Variants in GLRB observed in about 807,000 individuals in gnomAD.
GLRB encodes the protein glycine receptor subunit beta.
Under a neutral mutation model 54.2 loss-of-function variants are expected in GLRB, and 33 were observed. That is an observed-to-expected ratio of 0.61 (90% confidence interval 0.46 to 0.81). The LOEUF is 0.81. Ranked by LOEUF, GLRB falls within the 40% of genes least tolerant of loss-of-function variation. The pLI is 0.00. For missense variants in GLRB, 572 were observed against 584.6 expected (o/e 0.98, Z 0.22); for synonymous variants, 209 against 208.2 (o/e 1.00, Z -0.03).
chr4:157,144,114 G>T (rs569010782), intron 8 of GLRB, among the ~76,000 whole-genome samples, 155 bp downstream of exon 8: 2 of 152,232 alleles, frequency 1.3e-5, no homozygotes, highest in Non-Finnish European at 2.9e-5. Flanking sequence ...TATTGAACTA[G>T]ATTTTCTCAA....
rs528289572 is a variant in GLRB at position 157,142,253 on chromosome 4, T to G, written c.752-1554T>G. The stretch of plus-strand genomic sequence containing the variant: ...AAAAGAAAGGGAGATTTTTCATTGT[T>G]ATGTTTTTTACATCCTTTGAAAACC... On this transcript the variant is annotated intron_variant, in intron 7 of 9. Coordinates refer to ENST00000264428, the MANE Select transcript of GLRB (RefSeq NM_000824.5). 3.5e-4 allele frequency among the ~76,000 whole-genome samples: 54 copies of G among 152,252 alleles called. 1 individual carries two copies. The South Asian group carries it at 0.011, about 32-fold the overall frequency.
intron 2 of GLRB, among the ~76,000 whole-genome samples, chr4:157,100,437 T>C (rs1383048351): frequency 2.6e-5 from 4 of 152,214 alleles, no homozygotes; most frequent in Non-Finnish European, 5.9e-5. Context: ...TCTGCCTCAC[T>C]GGTATATTAG....
At chr4:157,121,493 T>G (rs1451908724) in intron 3 of GLRB, among the ~76,000 whole-genome samples, 1 of 150,362 alleles carries the variant, frequency 6.7e-6, no homozygotes, top group African/African-American at 2.4e-5. Context: ...AAAAAATAGG[T>G]CTGCAGCTGC....
chr4:157,145,351 ACTT>A (rs1736768777), intron 8 of GLRB, among the ~76,000 whole-genome samples: 1 of 152,180 alleles, frequency 6.6e-6, no homozygotes, highest in Non-Finnish European at 1.5e-5. Context: ...AACAGATTTA[ACTT>A]CTTTAAAAAT....
At chr4:157,144,308 G>GA (rs1418911979) in intron 8 of GLRB, among the ~76,000 whole-genome samples, 1 of 152,068 alleles carries the variant, frequency 6.6e-6, no homozygotes, top group African/African-American at 2.4e-5. Flanking sequence ...AAGTCTTTCT[G>GA]AAAAATAGTA....
chr4:157,120,736 T>G, intron 3 of GLRB, 74 bp downstream of exon 3: 1 of 734,450 alleles, frequency 1.4e-6, no homozygotes, highest in Non-Finnish European at 2.4e-6. Context: ...ATTTGTGATA[T>G]TTTATATGTA....
chr4:157,152,938 A>C lies in GLRB; in HGVS notation c.1125A>C (p.Gly375=), dbSNP rs776708585. 6.2e-7 allele frequency: 1 copy of C among 1,613,656 alleles called. No homozygotes were observed. Among genetic ancestry groups the C allele is most frequent in the Admixed American group, 1.7e-5 (1 of 60,000 alleles). ...TTGCTAAGGCTGAGCAAGCAGATGG[A>C]AAAGGTGGAAATGTGGCTAAAAAGA... ...ARIAKAEQAD[G]KGGNVAKKNT... The change falls in exon 9 of 10, where the codon GGA becomes GGC. Residue 375 remains glycine, a synonymous_variant. Transcript: ENST00000264428.
At chr4:157,079,911 G>C (rs933921612) in intron 2 of GLRB, among the ~76,000 whole-genome samples, 2 of 152,080 alleles carry the variant, frequency 1.3e-5, no homozygotes, top group African/African-American at 2.4e-5. Flanking sequence ...TTCTATGTAT[G>C]GAATCAAGCC....
At chr4:157,165,525 A>C (rs951417406) in intron 9 of GLRB, among the ~76,000 whole-genome samples, 1 of 152,030 alleles carries the variant, frequency 6.6e-6, no homozygotes, top group Non-Finnish European at 1.5e-5. Flanking sequence ...ATGATTTAAA[A>C]AGTAGAAAAA....
intron 6 of GLRB, among the ~76,000 whole-genome samples, chr4:157,138,164 C>T (rs1054088688): frequency 6.6e-5 from 10 of 152,228 alleles, no homozygotes; most frequent in East Asian, 1.9e-4. Flanking sequence ...CTCCACTTTG[C>T]GGGTTCAAGC....
At chr4:157,121,824 CT>C (rs1287222188) in intron 3 of GLRB, among the ~76,000 whole-genome samples, 1 of 151,630 alleles carries the variant, frequency 6.6e-6, no homozygotes, top group Non-Finnish European at 1.5e-5. Flanking sequence ...TATAATGACT[CT>C]GCTATGTGTC....
intron 8 of GLRB, among the ~76,000 whole-genome samples, chr4:157,149,978 G>A (rs1736958015): frequency 6.6e-6 from 1 of 151,868 alleles, no homozygotes; most frequent in East Asian, 1.9e-4. Flanking sequence ...CTCTGTGATT[G>A]GATGGACAAG....
chr4:157,138,733 G>T, intron 6 of GLRB, 76 bp from the exon 7 acceptor site: 1 of 790,146 alleles, frequency 1.3e-6, no homozygotes, highest in South Asian at 1.6e-5. Flanking sequence ...CTATGTTTAA[G>T]ATTTGAATTA....
Position 157,120,553 on chromosome 4 carries a change from TAGTCAGC to T in GLRB, c.130_136del (p.Ser44ArgfsTer15). The T allele has an allele frequency of 6.6e-7, 1 of 1,516,458 alleles. No homozygotes were observed. The highest frequency in any genetic ancestry group is 9.1e-7 in the Non-Finnish European group (1 of 1,093,160). 93.9% of individuals were successfully genotyped at this position (1,516,458 alleles called of 1,614,324 possible). A position where few individuals can be genotyped will look rare whatever the true frequency, so the allele number is the denominator to read the frequency against. On this transcript the variant is annotated splice_acceptor_variant and coding_sequence_variant, in exon 3 of 10. Transcript: ENST00000264428. LOFTEE classifies it high-confidence loss of function. Reference sequence around the variant, plus strand: ...CTTATCAGGATTTTTCTCTCTCTTATAGTCAGCAGTCAGCAGAGGACCTTGCCCGAGT... The same window carrying T: ...CTTATCAGGATTTTTCTCTCTCTTATAGTCAGCAGAGGACCTTGCCCGAGT...
chr4:157,086,233 A>T (rs1734408189), intron 2 of GLRB, among the ~76,000 whole-genome samples: 3 of 152,226 alleles, frequency 2.0e-5, no homozygotes, highest in Admixed American at 1.3e-4. Context: ...CTTCTTGCTT[A>T]ATATATCTAG....
At position 157,136,488 on chromosome 4, in the gene GLRB, T is replaced by A; in HGVS notation, c.317T>A (p.Phe106Tyr). 6.2e-7 allele frequency: 1 copy of A among 1,605,914 alleles called. No individual in the cohort carries two copies. The highest frequency in any genetic ancestry group is 8.5e-7 in the Non-Finnish European group (1 of 1,172,622). ...CTTCAGGACTATAGAGTTAACATCT[T>A]CCTGAGACAAAAATGGAATGACCCC... The part of the protein sequence containing the change: ...ETTMDYRVNI[F>Y]LRQKWNDPRL... The change falls in exon 5 of 10, where the codon TTC becomes TAC. Residue 106 changes from phenylalanine to tyrosine, a missense_variant. By Grantham distance (22) the Phe-to-Tyr change is conservative. Coordinates refer to ENST00000264428, the MANE Select transcript of GLRB (RefSeq NM_000824.5).
intron 2 of GLRB, 126 bp from the exon 3 acceptor site, chr4:157,120,429 AG>A: frequency 9.3e-6 from 3 of 323,930 alleles, no homozygotes; most frequent in Middle Eastern, 1.1e-3. Flanking sequence ...AATAAAAAAA[AG>A]AAGAAAAAGC....
rs373221915 is a variant in GLRB at position 157,120,670 on chromosome 4, T to G, written c.229+8T>G. On this transcript the variant is annotated splice_region_variant and intron_variant, in intron 3 of 9. Coordinates refer to ENST00000264428, the MANE Select transcript of GLRB (RefSeq NM_000824.5). ...TAAGACCAAACTTCAAAGGTTTGTC[T>G]CCCCCATATAAATGTTCATTTTTAT... 239 of 1,288,532 alleles carry G rather than the reference T, an allele frequency of 1.9e-4. No individual in the cohort carries two copies. Among genetic ancestry groups the G allele is most frequent in the Middle Eastern group, 7.5e-4 (4 of 5,368 alleles). 79.8% of individuals were successfully genotyped at this position (1,288,532 alleles called of 1,614,324 possible). A position where few individuals can be genotyped will look rare whatever the true frequency, so the allele number is the denominator to read the frequency against.
chr4:157,097,625 A>G (rs972547934), intron 2 of GLRB, among the ~76,000 whole-genome samples: 3 of 152,238 alleles, frequency 2.0e-5, no homozygotes, highest in South Asian at 4.1e-4. Flanking sequence ...GAGTTCCAAC[A>G]TTCAGCAAAA....
Sources: gnomAD v4.1 joint callset for allele counts (sites outside exome capture counted in the v4.1 genomes callset) on GRCh38, gnomAD v4.1.1 for gene constraint, MANE v1.5 for transcripts, NCBI Gene and HGNC (gene_info 2026-07-23, HGNC 2026-07-21) for gene names.